Variants in CTNNA2 observed in about 807,000 individuals in gnomAD.
CTNNA2 encodes catenin alpha-2.
In CTNNA2, 42 loss-of-function variants were observed where a neutral mutation model predicts 101.0. The observed-to-expected ratio is 0.42, with a 90% CI of 0.32 to 0.54. The LOEUF is 0.54. Ranked by LOEUF, CTNNA2 falls within the 20% of genes least tolerant of loss-of-function variation. CTNNA2 has a pLI of 0.14. For missense variants in CTNNA2, 871 were observed against 1,223.1 expected, an observed-to-expected ratio of 0.71 and a Z score of 4.29; for synonymous variants, 450 against 456.4, an observed-to-expected ratio of 0.99 and a Z score of 0.18.
chr2:79,330,170 A>C (rs575577017), intron 3 of CTNNA2, among the ~76,000 whole-genome samples: 21 of 152,290 alleles, frequency 1.4e-4, no homozygotes, highest in African/African-American at 4.8e-4. Flanking sequence ...AGCTGTCCAC[A>C]CTGAGACAGG....
Position 79,697,121 on chromosome 2 carries a change from A to G in CTNNA2, c.102+45463A>G, listed in dbSNP as rs984977499. ...TAGTCATATTTAGAACAGAGGGCAT[A>G]TCAATATGAGTCTTAACAATTTAAA... On this transcript the variant is annotated intron_variant, in intron 2 of 18. Coordinates refer to ENST00000402739, the MANE Select transcript of CTNNA2 (RefSeq NM_001282597.3). Among the ~76,000 whole-genome samples, 10 of 152,178 alleles carry G rather than the reference A, an allele frequency of 6.6e-5. No homozygotes were observed. In the East Asian group the frequency reaches 1.9e-3, roughly 29 times the overall value.
chr2:80,327,575 A>G (rs1005073359), intron 7 of CTNNA2, among the ~76,000 whole-genome samples: 1 of 152,188 alleles, frequency 6.6e-6, no homozygotes, highest in African/African-American at 2.4e-5. Context: ...GAGTTTCTTG[A>G]TTATTACTGT....
intron 3 of CTNNA2, among the ~76,000 whole-genome samples, chr2:79,369,234 A>AT (rs1473210345): frequency 6.6e-6 from 1 of 152,150 alleles, no homozygotes. Flanking sequence ...AACAAGAGCC[A>AT]TTTTTAGATT....
chr2:80,347,138 A>G (rs1672812659), intron 7 of CTNNA2, among the ~76,000 whole-genome samples: 1 of 152,224 alleles, frequency 6.6e-6, no homozygotes, highest in Non-Finnish European at 1.5e-5. Flanking sequence ...ATCAGCGAGC[A>G]CCGCAGTGGC....
intron 7 of CTNNA2, among the ~76,000 whole-genome samples, chr2:79,953,259 A>C (rs1323332125): frequency 1.3e-5 from 2 of 152,092 alleles, no homozygotes; most frequent in Non-Finnish European, 2.9e-5. Flanking sequence ...CTCTCCCTGA[A>C]GCATTTCTTT....
chr2:79,825,450 A>G (rs983034658), intron 3 of CTNNA2, among the ~76,000 whole-genome samples: 3 of 151,892 alleles, frequency 2.0e-5, no homozygotes, highest in African/African-American at 4.9e-5. Context: ...TATATAAAAT[A>G]TGGAGGTTGC....
intron 2 of CTNNA2, among the ~76,000 whole-genome samples, chr2:79,738,059 C>A (rs180824869): frequency 1.3e-5 from 2 of 152,334 alleles, no homozygotes; most frequent in African/African-American, 4.8e-5. Flanking sequence ...GGCCACTGCA[C>A]TACCGCCATT....
chr2:79,389,839 G>A (rs536923388), intron 4 of CTNNA2, among the ~76,000 whole-genome samples: 5 of 151,952 alleles, frequency 3.3e-5, no homozygotes, highest in Non-Finnish European at 5.9e-5. Flanking sequence ...TTTCATCTGC[G>A]GGATAATAAT....
intron 7 of CTNNA2, among the ~76,000 whole-genome samples, chr2:80,016,018 A>C (rs1441419064): frequency 6.6e-6 from 1 of 152,208 alleles, no homozygotes; most frequent in Non-Finnish European, 1.5e-5. Context: ...GAGTCATTTC[A>C]GCACTTGGAA....
Position 79,731,868 on chromosome 2 carries a change from G to T in CTNNA2, c.103-12519G>T, listed in dbSNP as rs549397106. ...TTTTTTTTACCATCAAATGCAGTTT[G>T]TCTCTTTAAGAGCAAAAATAAATAT... On this transcript the variant is annotated intron_variant, in intron 2 of 18. Coordinates refer to ENST00000402739, the MANE Select transcript of CTNNA2 (RefSeq NM_001282597.3). Among the ~76,000 whole-genome samples, 15 of 150,474 alleles carry T rather than the reference G, an allele frequency of 1.0e-4. No homozygotes were observed. The East Asian group carries it at 2.0e-3, about 20-fold the overall frequency.
chr2:79,235,988 G>A (rs1674552596), intron 2 of CTNNA2, among the ~76,000 whole-genome samples: 2 of 152,316 alleles, frequency 1.3e-5, no homozygotes, highest in South Asian at 4.1e-4. Context: ...GCTCTAGCAG[G>A]TGTGGCCTGC....
At chr2:80,569,677 C>G (rs545101447) in intron 12 of CTNNA2, among the ~76,000 whole-genome samples, 14 of 57,328 alleles carry the variant, frequency 2.4e-4, no homozygotes, top group Non-Finnish European at 4.8e-4. Context: ...GAGTCTTGCT[C>G]TGTTGCCCAG....
At chr2:80,506,339 A>G (rs1688276493) in intron 9 of CTNNA2, among the ~76,000 whole-genome samples, 1 of 152,180 alleles carries the variant, frequency 6.6e-6, no homozygotes, top group Non-Finnish European at 1.5e-5. Flanking sequence ...GGTTCCACAC[A>G]GGAAGACCGG....
At chr2:79,372,888 T>G (rs532853037) in intron 3 of CTNNA2, among the ~76,000 whole-genome samples, 10 of 152,302 alleles carry the variant, frequency 6.6e-5, no homozygotes, top group African/African-American at 2.2e-4. Context: ...TTGCTAAAAC[T>G]TTTTAAACCT....
chr2:80,338,296 C>CTTTTTTTTTT (rs201060579), intron 7 of CTNNA2, among the ~76,000 whole-genome samples: 19 of 125,602 alleles, frequency 1.5e-4, no homozygotes, highest in East Asian at 2.5e-4. Flanking sequence ...GCCTTTTTTT[C>CTTTTTTTTTT]TTTTTCTTTT....
intron 9 of CTNNA2, among the ~76,000 whole-genome samples, chr2:80,439,833 G>A (rs1324779781): frequency 1.3e-5 from 2 of 152,200 alleles, no homozygotes; most frequent in Non-Finnish European, 2.9e-5. Context: ...TCTAAGAAAT[G>A]TGACATTAGC....
At chr2:80,606,845 C>T (rs1278732991) in intron 16 of CTNNA2, among the ~76,000 whole-genome samples, 2 of 151,852 alleles carry the variant, frequency 1.3e-5, no homozygotes, top group Non-Finnish European at 2.9e-5. Flanking sequence ...GTTTAATTTG[C>T]TGCAAGGTAT....
chr2:80,187,618 A>C (rs1394102086), intron 7 of CTNNA2, among the ~76,000 whole-genome samples: 1 of 152,228 alleles, frequency 6.6e-6, no homozygotes, highest in Non-Finnish European at 1.5e-5. Flanking sequence ...TTGGGCTACC[A>C]TTGAACTTTA....
intron 1 of CTNNA2, among the ~76,000 whole-genome samples, chr2:79,587,821 TA>T (rs1345546688): frequency 6.6e-6 from 1 of 152,196 alleles, no homozygotes; most frequent in East Asian, 1.9e-4. Context: ...TCTCCTCTTA[TA>T]CTCCCTGTCA....
Sources: allele counts gnomAD v4.1 joint callset (sites outside exome capture counted in the v4.1 genomes callset), GRCh38; gene constraint gnomAD v4.1.1; transcripts MANE v1.5; gene names NCBI Gene and HGNC (gene_info 2026-07-23, HGNC 2026-07-21).